VGLL4: variants seen among roughly 807,000 people sequenced by gnomAD.
The protein encoded by VGLL4 is vestigial like family member 4, also known as transcription cofactor vestigial-like protein 4.
VGLL4 carries 7 observed loss-of-function variants against 21.0 expected under a neutral mutation model. That is an observed-to-expected ratio of 0.33 (90% confidence interval 0.19 to 0.63). The LOEUF is 0.63. Among genes scored for constraint, VGLL4 ranks in the 20% least tolerant of loss-of-function variants. The pLI is 0.78. For synonymous variants in VGLL4, 222 were observed against 173.2 expected (o/e 1.28, Z -2.21); for missense variants, 394 against 425.7 (o/e 0.93, Z 0.66).
chr3:11,587,855 G>GGC (rs397975123), intron 2 of VGLL4, among the ~76,000 whole-genome samples: 85 of 152,288 alleles, frequency 5.6e-4, no homozygotes, highest in African/African-American at 2.0e-3. Context: ...AACCTGGGGG[G>GGC]CTTCTTACTG....
rs2074476445 is a variant in VGLL4 at position 11,590,782 on chromosome 3, C to G, written c.272+11051G>C. Among the ~76,000 whole-genome samples the G allele has an allele frequency of 2.0e-5, 3 of 151,840 alleles. No homozygotes were observed. In the South Asian group the frequency reaches 6.2e-4, roughly 31 times the overall value. Reference sequence around the variant, plus strand: ...ATTTAACTAAAAACTACACCAGATACAGAATGTGGAGCTTGTAAACCACCT... The same window carrying G: ...ATTTAACTAAAAACTACACCAGATAGAGAATGTGGAGCTTGTAAACCACCT... On this transcript the variant is annotated intron_variant, in intron 2 of 4. Transcript: ENST00000430365.
intron 3 of VGLL4, among the ~76,000 whole-genome samples, chr3:11,560,828 C>T (rs114808640): frequency 0.019 from 2,863 of 152,254 alleles, 56 homozygotes; most frequent in African/African-American, 0.05. Flanking sequence ...AGAGAGAACC[C>T]GGGCAGGTGG....
upstream of VGLL4, chr3:11,644,031 G>GC (rs2075748589): frequency 1.0e-6 from 1 of 976,330 alleles, no homozygotes; most frequent in Admixed American, 6.1e-5. Context: ...TCTCAATGTA[G>GC]CAAGTGTTGG....
At chr3:11,566,352 T>G (rs1422963625) in intron 2 of VGLL4, among the ~76,000 whole-genome samples, 39 of 152,220 alleles carry the variant, frequency 2.6e-4, no homozygotes, top group Admixed American at 2.6e-3. Flanking sequence ...GGTGACATCT[T>G]GTAAAACTAC....
chr3:11,677,277 A>ATTT (rs768290568), intron 2 of VGLL4, among the ~76,000 whole-genome samples: 1 of 145,294 alleles, frequency 6.9e-6, no homozygotes, highest in African/African-American at 2.5e-5. Context: ...ACAGACTGCA[A>ATTT]TTTTTTTTTT....
At chr3:11,594,662 T>A (rs2074589051) in intron 2 of VGLL4, among the ~76,000 whole-genome samples, 1 of 152,234 alleles carries the variant, frequency 6.6e-6, no homozygotes, top group Admixed American at 6.5e-5. Context: ...GAGTTTTAAT[T>A]CTATTACAAA....
intron 1 of VGLL4, chr3:11,627,230 A>ACTCTCTCTCT (rs1221460234): frequency 3.2e-5 from 4 of 123,270 alleles, no homozygotes; most frequent in African/African-American, 1.3e-4. Flanking sequence ...ACACACACAC[A>ACTCTCTCTCT]CTCTCTCTCT....
At chr3:11,658,034 C>T (rs1311869552) in intron 2 of VGLL4, among the ~76,000 whole-genome samples, 2 of 139,760 alleles carry the variant, frequency 1.4e-5, no homozygotes, top group African/African-American at 5.3e-5. Context: ...TTAAAAAAGG[C>T]GATCCTCCAA....
chr3:11,655,321 C>T (rs1475043794), intron 2 of VGLL4, among the ~76,000 whole-genome samples: 1 of 152,188 alleles, frequency 6.6e-6, no homozygotes, highest in Non-Finnish European at 1.5e-5. Flanking sequence ...CTGAGGAGGG[C>T]ACCTGGCTGC....
At chr3:11,717,490 A>T (rs1313498997) in intron 1 of VGLL4, among the ~76,000 whole-genome samples, 7 of 72,942 alleles carry the variant, frequency 9.6e-5, no homozygotes, top group African/African-American at 2.0e-4. Flanking sequence ...CCCACTACAG[A>T]TTTTTTTTTT....
chr3:11,680,320 G>C (rs1363291968), intron 2 of VGLL4, among the ~76,000 whole-genome samples: 1 of 152,132 alleles, frequency 6.6e-6, no homozygotes, highest in Non-Finnish European at 1.5e-5. Flanking sequence ...TTATAACCAT[G>C]AGCTGTTTTC....
upstream of VGLL4, among the ~76,000 whole-genome samples, chr3:11,647,201 C>T (rs1285669056): frequency 6.6e-6 from 1 of 152,150 alleles, no homozygotes; most frequent in East Asian, 1.9e-4. Context: ...ATCCCAGCTC[C>T]TGACAACTTT....
At chr3:11,672,460 T>C (rs1463681931) in intron 2 of VGLL4, among the ~76,000 whole-genome samples, 1 of 152,224 alleles carries the variant, frequency 6.6e-6, no homozygotes, top group African/African-American at 2.4e-5. Flanking sequence ...TTACTATCCC[T>C]GGAGCAATAT....
intron 1 of VGLL4, among the ~76,000 whole-genome samples, chr3:11,618,083 A>G (rs1406150543): frequency 1.3e-5 from 2 of 152,242 alleles, no homozygotes; most frequent in Non-Finnish European, 2.9e-5. Flanking sequence ...AAATCAAATA[A>G]TAATGCATAC....
chr3:11,599,167 T>C (rs2074719133), intron 2 of VGLL4, among the ~76,000 whole-genome samples: 1 of 152,192 alleles, frequency 6.6e-6, no homozygotes, highest in African/African-American at 2.4e-5. Flanking sequence ...ACAATGGTAA[T>C]GTTACTAAAA....
intron 1 of VGLL4, among the ~76,000 whole-genome samples, chr3:11,716,302 CAAAAA>C (rs554449676): frequency 1.6e-5 from 1 of 61,006 alleles, no homozygotes; most frequent in East Asian, 4.4e-4. Flanking sequence ...AACTCTGTCT[CAAAAA>C]AAAAAAAAAA....
At chr3:11,616,259 G>A (rs2075161039) in intron 1 of VGLL4, among the ~76,000 whole-genome samples, 1 of 152,116 alleles carries the variant, frequency 6.6e-6, no homozygotes, top group Admixed American at 6.5e-5. Context: ...CTGGTCTAGA[G>A]TGCAAGCCTC....
At chr3:11,572,396 C>CA (rs1015976078) in intron 2 of VGLL4, among the ~76,000 whole-genome samples, 33 of 152,300 alleles carry the variant, frequency 2.2e-4, no homozygotes, top group African/African-American at 7.5e-4. Flanking sequence ...AATACAAAGA[C>CA]TCGTGTACCT....
chr3:11,593,651 G>A (rs1053746973), intron 2 of VGLL4, among the ~76,000 whole-genome samples: 1 of 152,202 alleles, frequency 6.6e-6, no homozygotes, highest in Non-Finnish European at 1.5e-5. Flanking sequence ...GAGGGAAGAG[G>A]AGGAAGAGGA....
Sources: gnomAD v4.1 joint callset for allele counts (sites outside exome capture counted in the v4.1 genomes callset) on GRCh38, gnomAD v4.1.1 for gene constraint, MANE v1.5 for transcripts, NCBI Gene and HGNC (gene_info 2026-07-23, HGNC 2026-07-21) for gene names.